MAGI2: variants seen among roughly 807,000 people sequenced by gnomAD.
MAGI2 encodes the protein membrane associated guanylate kinase, WW and PDZ domain containing 2.
MAGI2 carries 35 observed loss-of-function variants against 133.3 expected under a neutral mutation model. The observed-to-expected ratio is 0.26, with a 90% CI of 0.20 to 0.35. The LOEUF (loss-of-function observed/expected upper bound fraction) is 0.35, where lower values mean the gene tolerates loss of function less well. Among genes scored for constraint, MAGI2 ranks in the 10% least tolerant of loss-of-function variants. MAGI2 has a pLI of 1.00. For synonymous variants in MAGI2, 729 were observed against 710.6 expected, an observed-to-expected ratio of 1.03 and a Z score of -0.41; for missense variants, 1,636 against 1,863.4, an observed-to-expected ratio of 0.88 and a Z score of 2.25.
intron 1 of MAGI2, among the ~76,000 whole-genome samples, chr7:79,252,219 CATG>C (rs1037127695): frequency 2.1e-5 from 3 of 145,204 alleles, no homozygotes; most frequent in African/African-American, 7.6e-5. Context: ...GGTATATATA[CATG>C]ATGAAATACT....
intron 20 of MAGI2, among the ~76,000 whole-genome samples, chr7:78,109,300 T>A: frequency 4.3e-5 from 1 of 23,030 alleles, no homozygotes; most frequent in African/African-American, 2.2e-4. Context: ...CAAGACTCCG[T>A]CTCAAAAAAA....
chr7:78,436,023 A>G (rs895054433), intron 6 of MAGI2, among the ~76,000 whole-genome samples: 3 of 152,216 alleles, frequency 2.0e-5, no homozygotes, highest in African/African-American at 7.2e-5. Flanking sequence ...AGATATCTGG[A>G]GATTTTTCAG....
intron 21 of MAGI2, among the ~76,000 whole-genome samples, chr7:78,069,491 G>A (rs951332548): frequency 1.9e-5 from 2 of 107,092 alleles, no homozygotes; most frequent in Non-Finnish European, 4.6e-5. Context: ...GTATGTGTAT[G>A]TGTGTATGTG....
At chr7:78,397,812 C>T (rs570209209) in intron 6 of MAGI2, among the ~76,000 whole-genome samples, 1 of 152,204 alleles carries the variant, frequency 6.6e-6, no homozygotes, top group Admixed American at 6.5e-5. Context: ...GAAGTAGTTC[C>T]ATACGATTCC....
chr7:78,415,259 T>C (rs1562963311), intron 6 of MAGI2, among the ~76,000 whole-genome samples: 1 of 152,098 alleles, frequency 6.6e-6, no homozygotes, highest in Non-Finnish European at 1.5e-5. Flanking sequence ...GTATAAATTC[T>C]CATTGACCTT....
At chr7:78,038,463 G>C (rs1310653036) in intron 21 of MAGI2, among the ~76,000 whole-genome samples, 1 of 152,094 alleles carries the variant, frequency 6.6e-6, no homozygotes, top group Non-Finnish European at 1.5e-5. Flanking sequence ...AAAATTTAAG[G>C]CTATCACATG....
At chr7:78,531,635 TCAG>T (rs1797482460) in intron 3 of MAGI2, among the ~76,000 whole-genome samples, 1 of 152,208 alleles carries the variant, frequency 6.6e-6, no homozygotes, top group Non-Finnish European at 1.5e-5. Context: ...TGTACAAAGC[TCAG>T]CAGATTCTTG....
chr7:78,461,138 A>G (rs1789942608), intron 6 of MAGI2, among the ~76,000 whole-genome samples: 1 of 151,432 alleles, frequency 6.6e-6, no homozygotes, highest in African/African-American at 2.4e-5. Context: ...ATTTCATTCT[A>G]TGTCAGTTTA....
At chr7:79,227,654 G>A (rs944803203) in intron 1 of MAGI2, among the ~76,000 whole-genome samples, 2 of 152,088 alleles carry the variant, frequency 1.3e-5, no homozygotes, top group Non-Finnish European at 2.9e-5. Flanking sequence ...TTTTTAGTGA[G>A]AGTAAACATA....
intron 6 of MAGI2, among the ~76,000 whole-genome samples, chr7:78,453,279 A>C (rs752998750): frequency 5.3e-5 from 8 of 152,180 alleles, no homozygotes; most frequent in Non-Finnish European, 8.8e-5. Context: ...AAACTGAAAG[A>C]CTTCATTAAC....
intron 11 of MAGI2, among the ~76,000 whole-genome samples, chr7:78,200,639 T>C (rs923995724): frequency 1.3e-5 from 2 of 152,136 alleles, no homozygotes; most frequent in African/African-American, 4.8e-5. Context: ...TATGTATACA[T>C]ACACATACCT....
chr7:79,451,547 T>G lies in MAGI2; in HGVS notation c.301+1473A>C, dbSNP rs1260546662. On this transcript the variant is annotated intron_variant, in intron 1 of 21. Coordinates refer to ENST00000354212, the MANE Select transcript of MAGI2 (RefSeq NM_012301.4). ...ACTTATAATAACCTATCTCAATTTA[T>G]TACCTCTTAATACTCAAGAATACCC... Among the ~76,000 whole-genome samples, 6 of 152,340 alleles carry G rather than the reference T, an allele frequency of 3.9e-5. 1 individual carries two copies. The highest frequency in any genetic ancestry group is 6.8e-3 in the Middle Eastern group (2 of 294).
chr7:79,193,496 T>G (rs866514473), intron 1 of MAGI2, among the ~76,000 whole-genome samples: 5 of 152,110 alleles, frequency 3.3e-5, no homozygotes, highest in African/African-American at 9.7e-5. Flanking sequence ...TTATGAGTTG[T>G]GTAATTTTAG....
chr7:78,203,672 C>T (rs1829473761), intron 10 of MAGI2, among the ~76,000 whole-genome samples: 1 of 152,164 alleles, frequency 6.6e-6, no homozygotes, highest in Non-Finnish European at 1.5e-5. Context: ...AAGTTGCGTG[C>T]TGCAGAGTAA....
intron 1 of MAGI2, among the ~76,000 whole-genome samples, chr7:79,382,781 T>C (rs1843890334): frequency 6.6e-6 from 1 of 151,654 alleles, no homozygotes; most frequent in African/African-American, 2.4e-5. Context: ...TATTGTGCAA[T>C]GCATGAGTGT....
chr7:79,362,948 G>T (rs1842454888), intron 1 of MAGI2, among the ~76,000 whole-genome samples: 1 of 151,744 alleles, frequency 6.6e-6, no homozygotes, highest in Non-Finnish European at 1.5e-5. Flanking sequence ...AATTCTAGCT[G>T]TGGTAATAAG....
At position 79,210,760 on chromosome 7, in the gene MAGI2, C is replaced by T. The variant is rs1428652504; in HGVS notation, c.302-203554G>A. On this transcript the variant is annotated intron_variant, in intron 1 of 21. Coordinates refer to ENST00000354212, the MANE Select transcript of MAGI2 (RefSeq NM_012301.4). ...ACATGGCTCTCTTTGGGATGCACTT[C>T]ACATTTTCAATAAATTATATTTTAA... Among the ~76,000 whole-genome samples the T allele has an allele frequency of 2.6e-5, 4 of 152,040 alleles. No homozygotes were observed. The East Asian group carries it at 5.8e-4, about 22-fold the overall frequency.
intron 21 of MAGI2, among the ~76,000 whole-genome samples, chr7:78,077,736 T>TTTTTG (rs1157072520): frequency 1.4e-5 from 2 of 147,260 alleles, no homozygotes; most frequent in Admixed American, 6.7e-5. Flanking sequence ...TTTTTTTTTT[T>TTTTTG]TTTTTTTTTT....
At chr7:78,231,126 G>A (rs544692640) in intron 10 of MAGI2, among the ~76,000 whole-genome samples, 1 of 152,312 alleles carries the variant, frequency 6.6e-6, no homozygotes, top group South Asian at 2.1e-4. Flanking sequence ...ATTCAATAGG[G>A]TCTAAAGTGG....
Sources: allele counts gnomAD v4.1 joint callset (sites outside exome capture counted in the v4.1 genomes callset), GRCh38; gene constraint gnomAD v4.1.1; transcripts MANE v1.5; gene names NCBI Gene and HGNC (gene_info 2026-07-23, HGNC 2026-07-21).